CSGALNACT1: variants seen among roughly 807,000 people sequenced by gnomAD.
The protein encoded by CSGALNACT1 is beta4GalNAcT-1.
In CSGALNACT1, 52 loss-of-function variants were observed where a neutral mutation model predicts 51.0. The ratio of observed to expected loss-of-function variants is 1.02; its 90% CI spans 0.82 to 1.29. The LOEUF (loss-of-function observed/expected upper bound fraction) is 1.29. Among genes scored for constraint, CSGALNACT1 ranks in the 50% most tolerant of loss-of-function variants. The pLI, the probability that CSGALNACT1 is intolerant of heterozygous loss-of-function variation, is 0.00. For synonymous variants in CSGALNACT1, 341 were observed against 254.4 expected, an observed-to-expected ratio of 1.34 and a Z score of -3.24; for missense variants, 935 against 679.2, an observed-to-expected ratio of 1.38 and a Z score of -4.19.
intron 4 of CSGALNACT1, among the ~76,000 whole-genome samples, chr8:19,479,479 T>C (rs1301681550): frequency 1.3e-5 from 2 of 152,220 alleles, no homozygotes; most frequent in Non-Finnish European, 2.9e-5. Context: ...TTTTCTTTCA[T>C]TATTATTATC....
At chr8:19,547,094 A>AGTGATATC (rs772523186) in intron 3 of CSGALNACT1, among the ~76,000 whole-genome samples, 10 of 152,146 alleles carry the variant, frequency 6.6e-5, no homozygotes, top group Non-Finnish European at 1.2e-4. Context: ...ACAAATATAA[A>AGTGATATC]GTGATATCCT....
At chr8:19,605,496 C>A (rs935873945), upstream of CSGALNACT1, among the ~76,000 whole-genome samples, 1 of 152,020 alleles carries the variant, frequency 6.6e-6, no homozygotes, top group African/African-American at 2.4e-5. Flanking sequence ...GGTCTCAGTC[C>A]CCTCCCCTGT....
intron 7 of CSGALNACT1, among the ~76,000 whole-genome samples, chr8:19,419,687 G>A (rs373119242): frequency 2.6e-5 from 4 of 152,090 alleles, no homozygotes; most frequent in Admixed American, 6.6e-5. Flanking sequence ...TCCCCACCTC[G>A]CTTTCTCCTG....
upstream of CSGALNACT1, chr8:19,602,852 A>G (rs1030854096): frequency 3.3e-5 from 5 of 152,122 alleles, no homozygotes; most frequent in Admixed American, 1.3e-4. Context: ...TTTCATGTCA[A>G]TAATGTTGTC....
At chr8:19,682,597 G>A (rs2060703100), upstream of CSGALNACT1, 1 of 453,874 alleles carries the variant, frequency 2.2e-6, no homozygotes, top group Admixed American at 2.3e-5. Context: ...ACTCACTGAT[G>A]TACACTGGGA....
At chr8:19,518,317 G>T (rs1587709036) in intron 3 of CSGALNACT1, among the ~76,000 whole-genome samples, 1 of 152,336 alleles carries the variant, frequency 6.6e-6, no homozygotes, top group Admixed American at 6.5e-5. Flanking sequence ...ATGATTAACA[G>T]CAGGAACTAA....
At chr8:19,485,857 A>G (rs1474693238) in intron 4 of CSGALNACT1, among the ~76,000 whole-genome samples, 1 of 132,944 alleles carries the variant, frequency 7.5e-6, no homozygotes, top group African/African-American at 2.8e-5. Flanking sequence ...ACCTCTGCCT[A>G]CCAGGTTCAA....
intron 2 of CSGALNACT1, among the ~76,000 whole-genome samples, chr8:19,593,358 G>T (rs565694298): frequency 3.0e-4 from 45 of 152,362 alleles, no homozygotes; most frequent in African/African-American, 1.0e-3. Context: ...TACTGGTAAG[G>T]TTCACCATAT....
chr8:19,405,308 CATA>C (rs1358085501), exon 10 of CSGALNACT1: 1 of 454,068 alleles, frequency 2.2e-6, no homozygotes, highest in Non-Finnish European at 4.4e-6. Context: ...TCACTAGTAT[CATA>C]ATAAGCCTAT....
chr8:19,629,196 G>A (rs7815969), intron 1 of CSGALNACT1, among the ~76,000 whole-genome samples: 10 of 151,862 alleles, frequency 6.6e-5, no homozygotes, highest in Admixed American at 2.0e-4. Context: ...GACTTAAATC[G>A]AAAAAAACCG....
chr8:19,579,957 G>T (rs1402579140), intron 3 of CSGALNACT1, among the ~76,000 whole-genome samples: 1 of 152,220 alleles, frequency 6.6e-6, no homozygotes, highest in Non-Finnish European at 1.5e-5. Context: ...AAGAGGAGGA[G>T]AAATAGCTGC....
chr8:19,554,862 G>A (rs2089300342), intron 3 of CSGALNACT1, among the ~76,000 whole-genome samples: 2 of 152,146 alleles, frequency 1.3e-5, no homozygotes, highest in Non-Finnish European at 2.9e-5. Flanking sequence ...CAGTTGCAGT[G>A]AGCCAAGATC....
intron 4 of CSGALNACT1, among the ~76,000 whole-genome samples, chr8:19,471,750 A>G (rs1411084512): frequency 6.6e-6 from 1 of 152,230 alleles, no homozygotes; most frequent in Non-Finnish European, 1.5e-5. Context: ...CAGTGAGAGT[A>G]AACAACAAGG....
chr8:19,477,023 C>G lies in CSGALNACT1; in HGVS notation c.635-18381G>C, dbSNP rs536322776. On this transcript the variant is annotated intron_variant, in intron 4 of 9. Coordinates refer to ENST00000454498, the Ensembl canonical transcript of CSGALNACT1. ...CAGCATATGAAAATGGTAATAATAA[C>G]TCACTAAAATTCCAAGATGATTTGT... is the stretch of plus-strand genomic sequence containing the variant. 2.6e-5 allele frequency among the ~76,000 whole-genome samples: 4 copies of G among 152,300 alleles called. No homozygotes were observed. In the South Asian group the frequency reaches 6.2e-4, roughly 24 times the overall value.
intron 1 of CSGALNACT1, among the ~76,000 whole-genome samples, chr8:19,747,147 G>A (rs2064724661): frequency 6.6e-6 from 1 of 151,988 alleles, no homozygotes; most frequent in African/African-American, 2.4e-5. Context: ...CTGTGCACCA[G>A]TAAAATTCAT....
At chr8:19,428,827 G>A (rs6987248) in intron 6 of CSGALNACT1, among the ~76,000 whole-genome samples, 2,327 of 11,194 alleles carry the variant, frequency 0.21, 53 homozygotes, top group East Asian at 0.53. Flanking sequence ...GACATGATAT[G>A]TGTGTGTGTG....
intron 1 of CSGALNACT1, among the ~76,000 whole-genome samples, chr8:19,655,119 T>G (rs759882303): frequency 6.6e-6 from 1 of 152,042 alleles, no homozygotes; most frequent in Non-Finnish European, 1.5e-5. Context: ...CTTTGGAAAA[T>G]AGTGATTAGC....
At chr8:19,631,958 G>C (rs1424469833) in intron 1 of CSGALNACT1, among the ~76,000 whole-genome samples, 3 of 152,184 alleles carry the variant, frequency 2.0e-5, no homozygotes, top group Non-Finnish European at 4.4e-5. Context: ...TGGGACAAGA[G>C]AAAAATAGGA....
At chr8:19,448,949 A>G (rs1441684576) in intron 5 of CSGALNACT1, among the ~76,000 whole-genome samples, 3 of 152,036 alleles carry the variant, frequency 2.0e-5, no homozygotes, top group Non-Finnish European at 4.4e-5. Flanking sequence ...GCTAAGTAAA[A>G]CCTGGCTTTA....
Sources: gnomAD v4.1 joint callset for allele counts (sites outside exome capture counted in the v4.1 genomes callset) on GRCh38, gnomAD v4.1.1 for gene constraint, MANE v1.5 for transcripts, NCBI Gene and HGNC (gene_info 2026-07-23, HGNC 2026-07-21) for gene names.